The following MICU1 variants were observed in gnomAD, a reference collection of about 807,000 sequenced individuals.
The protein encoded by MICU1 is mitochondrial calcium uptake 1.
Under a neutral mutation model 56.8 loss-of-function variants are expected in MICU1, and 45 were observed. The observed-to-expected ratio is 0.79, with a 90% confidence interval of 0.62 to 1.02. The LOEUF (loss-of-function observed/expected upper bound fraction) is 1.02. Ranked by LOEUF, MICU1 falls within the 50% of genes least tolerant of loss-of-function variation. The pLI is 0.00. For missense variants in MICU1, 504 were observed against 587.1 expected (o/e 0.86, Z 1.46); for synonymous variants, 186 against 195.1 (o/e 0.95, Z 0.39).
At chr10:72,386,557 ATTT>A (rs34210330) in intron 10 of MICU1, among the ~76,000 whole-genome samples, 30 of 120,180 alleles carry the variant, frequency 2.5e-4, no homozygotes, top group Middle Eastern at 4.8e-3. Context: ...CCCGCCACCT[ATTT>A]TTTTTTTTTT....
At chr10:72,518,484 A>G (rs1171611886) in intron 5 of MICU1, among the ~76,000 whole-genome samples, 2 of 152,202 alleles carry the variant, frequency 1.3e-5, no homozygotes, top group African/African-American at 4.8e-5. Context: ...ATTTTTTAAT[A>G]TAAAAGTTGA....
At chr10:72,380,433 G>A (rs1862664033) in intron 10 of MICU1, among the ~76,000 whole-genome samples, 1 of 152,158 alleles carries the variant, frequency 6.6e-6, no homozygotes, top group Non-Finnish European at 1.5e-5. Context: ...GCAAAGTCCA[G>A]GCAGAATCCG....
At chr10:72,421,319 G>C (rs1864166068) in intron 9 of MICU1, among the ~76,000 whole-genome samples, 1 of 151,412 alleles carries the variant, frequency 6.6e-6, no homozygotes, top group Non-Finnish European at 1.5e-5. Flanking sequence ...GAAGTGGTGT[G>C]ATCTTGGTTC....
At chr10:72,588,489 C>T (rs1237621204) in intron 1 of MICU1, among the ~76,000 whole-genome samples, 2 of 152,104 alleles carry the variant, frequency 1.3e-5, no homozygotes, top group South Asian at 2.1e-4. Flanking sequence ...GGCATTTCCA[C>T]TAAGAATAGG....
At chr10:72,542,831 T>C (rs1051577339) in intron 4 of MICU1, among the ~76,000 whole-genome samples, 2 of 152,140 alleles carry the variant, frequency 1.3e-5, no homozygotes, top group Admixed American at 1.3e-4. Flanking sequence ...ACGAACAAAT[T>C]GAAAGATGGT....
chr10:72,576,636 T>G (rs1267122490), intron 1 of MICU1, among the ~76,000 whole-genome samples: 1 of 152,204 alleles, frequency 6.6e-6, no homozygotes, highest in African/African-American at 2.4e-5. Flanking sequence ...CAGCAAGTTA[T>G]CCAGATCTAG....
intron 10 of MICU1, among the ~76,000 whole-genome samples, chr10:72,395,856 CT>C (rs1290602277): frequency 6.6e-5 from 10 of 152,236 alleles, no homozygotes; most frequent in Admixed American, 6.5e-4. Flanking sequence ...CAGGGCATAG[CT>C]GAACAAAAGC....
intron 8 of MICU1, among the ~76,000 whole-genome samples, chr10:72,474,629 C>T (rs1370779359): frequency 6.6e-6 from 1 of 152,172 alleles, no homozygotes; most frequent in East Asian, 1.9e-4. Context: ...GTAGCTGGGA[C>T]TATGGGTGTA....
At chr10:72,405,968 A>G (rs184083967) in intron 10 of MICU1, among the ~76,000 whole-genome samples, 2 of 152,188 alleles carry the variant, frequency 1.3e-5, no homozygotes, top group East Asian at 3.9e-4. Flanking sequence ...TCTATTCAAT[A>G]TTGTATTGGT....
At chr10:72,604,332 G>A (rs2132553782) in intron 1 of MICU1, among the ~76,000 whole-genome samples, 1 of 112,856 alleles carries the variant, frequency 8.9e-6, no homozygotes, top group East Asian at 2.1e-4. Context: ...GCAGCGCAAT[G>A]TTGTGATCTC....
intron 10 of MICU1, among the ~76,000 whole-genome samples, chr10:72,384,956 T>C (rs1441787327): frequency 6.6e-6 from 1 of 152,166 alleles, no homozygotes; most frequent in Admixed American, 6.5e-5. Context: ...TTACATGTCT[T>C]TGTGACACTC....
intron 10 of MICU1, among the ~76,000 whole-genome samples, chr10:72,404,137 G>A (rs149421929): frequency 0.041 from 6,250 of 151,942 alleles, 424 homozygotes; most frequent in African/African-American, 0.14. Flanking sequence ...TTACAGGTGC[G>A]TGCCACCATG....
intron 5 of MICU1, chr10:72,508,528 T>C (rs1589290666): frequency 8.0e-6 from 2 of 251,362 alleles, no homozygotes; most frequent in South Asian, 2.6e-4. Flanking sequence ...CCTCTGCCAT[T>C]GCACATATAC....
At position 72,547,567 on chromosome 10, in the gene MICU1, TAAAG is replaced by T. The variant is rs572182513; in HGVS notation, c.493+3608_493+3611del. Among the ~76,000 whole-genome samples, 29 of 149,990 alleles carry T rather than the reference TAAAG, an allele frequency of 1.9e-4. No homozygotes were observed. In the East Asian group the frequency reaches 2.9e-3, roughly 15 times the overall value. On this transcript the variant is annotated intron_variant, in intron 4 of 11. Transcript: ENST00000361114. ...TATATATATAAAGTCTATTAGAAAA[TAAAG>T]AAACGTACAAAGAAGAATAAAATGA...
chr10:72,471,374 A>G (rs1437635875), intron 8 of MICU1, among the ~76,000 whole-genome samples: 1 of 152,200 alleles, frequency 6.6e-6, no homozygotes, highest in African/African-American at 2.4e-5. Context: ...ATGAGCCACC[A>G]TGCCCGGCCT....
chr10:72,404,422 G>A lies in MICU1; in HGVS notation c.1180+3507C>T, dbSNP rs1863562719. ...AATAAGTGAAGGAATAAGTAACAAAGGTATGAGCAGAAATCAACTCAATAG... is the reference window on the plus strand; with the variant it reads ...AATAAGTGAAGGAATAAGTAACAAAAGTATGAGCAGAAATCAACTCAATAG... On this transcript the variant is annotated intron_variant, in intron 10 of 11. Transcript: ENST00000361114. Among the ~76,000 whole-genome samples the A allele has an allele frequency of 1.3e-5, 2 of 152,176 alleles. 1 individual carries two copies. Among genetic ancestry groups the A allele is most frequent in the South Asian group, 4.1e-4 (2 of 4,822 alleles).
intron 1 of MICU1, among the ~76,000 whole-genome samples, chr10:72,568,720 C>CAAGAT (rs968862994): frequency 6.6e-6 from 1 of 150,770 alleles, no homozygotes; most frequent in African/African-American, 2.4e-5. Context: ...ATTCAGCATC[C>CAAGAT]AAGATAATTA....
chr10:72,559,098 G>C lies in MICU1; in HGVS notation c.330+3797C>G, dbSNP rs76558695. ...CTCTATTCCAGAGGCTGAGACAGCA[G>C]AATTGCTTAAATCTGTGAGTGCAAG... On this transcript the variant is annotated intron_variant, in intron 3 of 11. Transcript: ENST00000361114. Among the ~76,000 whole-genome samples, 1,244 of 152,232 alleles carry C rather than the reference G, an allele frequency of 8.2e-3. 15 individuals carry two copies. The highest frequency in any genetic ancestry group is 0.028 in the African/African-American group (1,171 of 41,538).
intron 2 of MICU1, among the ~76,000 whole-genome samples, chr10:72,565,881 T>C (rs1006958094): frequency 1.4e-4 from 22 of 152,018 alleles, no homozygotes; most frequent in Admixed American, 1.2e-3. Context: ...ACTATGTATT[T>C]TAAGAAAGAG....
Sources: allele counts gnomAD v4.1 joint callset (sites outside exome capture counted in the v4.1 genomes callset), GRCh38; gene constraint gnomAD v4.1.1; transcripts MANE v1.5; gene names NCBI Gene and HGNC (gene_info 2026-07-23, HGNC 2026-07-21).